SRSF1: variants seen among roughly 807,000 people sequenced by gnomAD.
SRSF1 encodes serine/arginine-rich splicing factor 1.
Under a neutral mutation model 25.9 loss-of-function variants are expected in SRSF1, and 1 was observed. The ratio of observed to expected loss-of-function variants is 0.04; its 90% CI spans 0.01 to 0.18. The LOEUF (loss-of-function observed/expected upper bound fraction) is 0.18, where lower values mean the gene tolerates loss of function less well. Ranked by LOEUF, SRSF1 falls within the 10% of genes least tolerant of loss-of-function variation. The pLI, the probability that SRSF1 is intolerant of heterozygous loss-of-function variation, is 1.00. For synonymous variants in SRSF1, 132 were observed against 126.2 expected (o/e 1.05, Z -0.31); for missense variants, 65 against 350.5 (o/e 0.19, Z 6.50).
Position 58,005,314 on chromosome 17 carries a change from C to A in SRSF1, c.*92G>T, listed in dbSNP as rs2075419585. On this transcript the variant is annotated 3_prime_UTR_variant, in exon 4 of 4. Coordinates refer to ENST00000258962, the MANE Select transcript of SRSF1 (RefSeq NM_006924.5). This position sits in a 1 kb window ranked among gnomAD's most constrained non-coding sequence, Gnocchi z 5.2. ...ATTCAACACTTTAGCCCATTCTGAACAAAACAGTTTGAATTAAAAAATGAA... is the reference window on the plus strand; with the variant it reads ...ATTCAACACTTTAGCCCATTCTGAAAAAAACAGTTTGAATTAAAAAATGAA... 1 of 1,421,238 alleles carries A rather than the reference C, an allele frequency of 7.0e-7. No homozygotes were observed. The highest frequency in any genetic ancestry group is 1.4e-5 in the African/African-American group (1 of 70,278). 88.0% of individuals were successfully genotyped at this position (1,421,238 alleles called of 1,614,324 possible).
chr17:57,996,674 TG>T (rs1281753906), downstream of SRSF1, among the ~76,000 whole-genome samples: 1 of 151,898 alleles, frequency 6.6e-6, no homozygotes, highest in Non-Finnish European at 1.5e-5. Context: ...AGTCATTAGG[TG>T]TGATCATGAA....
the SRSF1 span, chr17:57,989,771 G>C: frequency 2.5e-6 from 1 of 398,514 alleles, no homozygotes; most frequent in Non-Finnish European, 4.4e-6. Context: ...AGCAGAAGCA[G>C]GTAACACATC....
Position 58,002,749 on chromosome 17 carries a change from C to A in SRSF1, c.*2657G>T, listed in dbSNP as rs927150291. 8.0e-4 allele frequency among the ~76,000 whole-genome samples: 122 copies of A among 152,234 alleles called. No homozygotes were observed. The highest frequency in any genetic ancestry group is 2.9e-3 in the African/African-American group (122 of 41,462). On this transcript the variant is annotated 3_prime_UTR_variant, in exon 4 of 4. Transcript: ENST00000258962. The stretch of plus-strand genomic sequence containing the variant: ...TCTACAGGCTGAGCATGGTGGCTCA[C>A]ACCTGTAATCCTAACACTTTGGGAG...
chr17:58,006,134 A>C, intron 2 of SRSF1, 161 bp from the exon 3 acceptor site: 1 of 965,954 alleles, frequency 1.0e-6, no homozygotes, highest in East Asian at 2.6e-5. Context: ...CAGAGTCCAA[A>C]ATTATTTGTA....
intron 1 of SRSF1, 118 bp from the exon 2 acceptor site, chr17:58,006,645 G>C (rs1043853954): frequency 1.6e-6 from 2 of 1,232,404 alleles, no homozygotes; most frequent in Non-Finnish European, 2.2e-6. Context: ...CACATGCGCC[G>C]CATAATAGGA....
the SRSF1 span, chr17:57,991,638 AC>A: frequency 4.6e-4 from 69 of 148,978 alleles, no homozygotes; most frequent in African/African-American, 1.1e-3. Context: ...TCAAAGTGAC[AC>A]CCCCCCCATC....
chr17:57,994,422 G>A, the SRSF1 span: 1 of 152,246 alleles, frequency 6.6e-6, no homozygotes, highest in Non-Finnish European at 1.5e-5. Flanking sequence ...TTGACTATTA[G>A]AGGGTAGGTT....
chr17:57,999,716 A>C (rs549166753), downstream of SRSF1, among the ~76,000 whole-genome samples: 3 of 152,206 alleles, frequency 2.0e-5, no homozygotes, highest in Non-Finnish European at 4.4e-5. Flanking sequence ...AGCACTTACC[A>C]ATGGAGAGCA....
intron 2 of SRSF1, 145 bp from the exon 3 acceptor site, chr17:58,006,118 G>C (rs2075425334): frequency 1.0e-6 from 1 of 979,754 alleles, no homozygotes; most frequent in Non-Finnish European, 1.5e-6. Flanking sequence ...GTAAGATTCT[G>C]GAATCCAGAG....
chr17:58,006,911 T>C, intron 1 of SRSF1, 33 bp downstream of exon 1: 5 of 1,611,046 alleles, frequency 3.1e-6, no homozygotes, highest in Admixed American at 1.7e-5. Context: ...TCGGACCTAT[T>C]TCCTCAAGGC....
chr17:58,001,304 C>T lies in SRSF1; in HGVS notation c.*4102G>A, dbSNP rs1246347656. Among the ~76,000 whole-genome samples the T allele has an allele frequency of 1.3e-5, 2 of 152,034 alleles. No individual in the cohort carries two copies. Among genetic ancestry groups the T allele is most frequent in the Non-Finnish European group, 2.9e-5 (2 of 67,976 alleles). On this transcript the variant is annotated 3_prime_UTR_variant, in exon 4 of 4. Transcript: ENST00000258962. ...AGATTCTACAATAAATCATATTAAA[C>T]GCAAGCACTATGATGCACAGACGTG...
chr17:58,000,632 A>G (rs2075383181), downstream of SRSF1, among the ~76,000 whole-genome samples: 1 of 152,184 alleles, frequency 6.6e-6, no homozygotes, highest in Non-Finnish European at 1.5e-5. Flanking sequence ...GGGGGAACTT[A>G]AAATTCAATC....
At chr17:57,993,441 A>T in the SRSF1 span, 3 of 152,030 alleles carry the variant, frequency 2.0e-5, no homozygotes, top group Non-Finnish European at 4.4e-5. Context: ...TGGTCCAGGC[A>T]TAAAAGCAGG....
At chr17:57,998,171 C>T (rs1299333428), downstream of SRSF1, among the ~76,000 whole-genome samples, 1 of 152,140 alleles carries the variant, frequency 6.6e-6, no homozygotes, top group Non-Finnish European at 1.5e-5. Flanking sequence ...GATTGTGCCA[C>T]TACACTCCAG....
intron 1 of SRSF1, 126 bp from the exon 2 acceptor site, chr17:58,006,653 G>A (rs1167347859): frequency 2.6e-6 from 3 of 1,169,928 alleles, no homozygotes; most frequent in African/African-American, 3.1e-5. Flanking sequence ...CCGCATAATA[G>A]GAATGGCCCC....
chr17:58,002,840 A>C lies in SRSF1; in HGVS notation c.*2566T>G, dbSNP rs1294118480. Among the ~76,000 whole-genome samples, 2 of 152,050 alleles carry C rather than the reference A, an allele frequency of 1.3e-5. No individual in the cohort carries two copies. Among genetic ancestry groups the C allele is most frequent in the Non-Finnish European group, 2.9e-5 (2 of 67,966 alleles). ...CCAGCCTGGGTAACACAGAGAAACCACATCTCTACTAAAAATACAAAATTA... is the reference window on the plus strand; with the variant it reads ...CCAGCCTGGGTAACACAGAGAAACCCCATCTCTACTAAAAATACAAAATTA... On this transcript the variant is annotated 3_prime_UTR_variant, in exon 4 of 4. Coordinates refer to ENST00000258962, the MANE Select transcript of SRSF1 (RefSeq NM_006924.5).
At position 58,007,226 on chromosome 17, in the gene SRSF1, C is replaced by T. The variant is rs955364424; in HGVS notation, c.-89G>A. The T allele has an allele frequency of 1.3e-5, 20 of 1,492,630 alleles. No individual in the cohort carries two copies. The highest frequency in any genetic ancestry group is 1.6e-5 in the Non-Finnish European group (18 of 1,094,894). 92.5% of individuals were successfully genotyped at this position (1,492,630 alleles called of 1,614,324 possible). ...CGAGCCCGCAGCGGCACCACGTCTC[C>T]CGCGGCCCCTCCAAAATGGCGCCTT... On this transcript the variant is annotated 5_prime_UTR_variant, in exon 1 of 4. Transcript: ENST00000258962.
At chr17:58,006,798 C>G in intron 1 of SRSF1, 146 bp downstream of exon 1, 1 of 1,058,526 alleles carries the variant, frequency 9.4e-7, no homozygotes, top group South Asian at 1.5e-5. Context: ...AACTCAGCTC[C>G]TTACTCGACT....
chr17:58,004,597 C>T lies in SRSF1; in HGVS notation c.*809G>A. On this transcript the variant is annotated 3_prime_UTR_variant, in exon 4 of 4. Transcript: ENST00000258962. ...TCTATCTTGTTGGATTTAAAAACAC[C>T]CTGTACCCACATGTACACCAACAGC... 5.4e-6 allele frequency: 1 copy of T among 183,876 alleles called. No homozygotes were observed. Among genetic ancestry groups the T allele is most frequent in the Non-Finnish European group, 1.1e-5 (1 of 89,226 alleles). The allele number at this position is 183,876 out of a possible 1,614,324, so 11.4% of individuals were successfully genotyped here.
Sources: allele counts gnomAD v4.1 joint callset (sites outside exome capture counted in the v4.1 genomes callset), GRCh38; gene constraint gnomAD v4.1.1; non-coding constraint Gnocchi (gnomAD v3.1); transcripts MANE v1.5; gene names NCBI Gene and HGNC (gene_info 2026-07-23, HGNC 2026-07-21).